The following CA10 variants were observed in gnomAD, a reference collection of about 807,000 sequenced individuals.
CA10 encodes carbonic anhydrase 10 (inactive), also known as carbonic anhydrase-related protein 10.
Under a neutral mutation model 44.2 loss-of-function variants are expected in CA10, and 14 were observed. The ratio of observed to expected loss-of-function variants is 0.32; its 90% CI spans 0.21 to 0.50. The LOEUF (loss-of-function observed/expected upper bound fraction) is 0.50, where lower values mean the gene tolerates loss of function less well. Among genes scored for constraint, CA10 ranks in the 20% least tolerant of loss-of-function variants. CA10 has a pLI of 0.99. For synonymous variants in CA10, 159 were observed against 141.6 expected, an observed-to-expected ratio of 1.12 and a Z score of -0.87; for missense variants, 350 against 409.7, an observed-to-expected ratio of 0.85 and a Z score of 1.26.
intron 1 of CA10, among the ~76,000 whole-genome samples, chr17:52,103,910 T>C (rs188626950): frequency 2.0e-5 from 3 of 152,172 alleles, no homozygotes; most frequent in Non-Finnish European, 4.4e-5. Context: ...CAGACTGATA[T>C]AGTGAAGCAA....
chr17:51,878,138 C>G (rs143651056), intron 3 of CA10, among the ~76,000 whole-genome samples: 25 of 102,576 alleles, frequency 2.4e-4, no homozygotes, highest in Non-Finnish European at 4.4e-4. Context: ...AGCATGACTC[C>G]GTCTCAAAAA....
Position 51,649,172 on chromosome 17 carries a change from C to A in CA10, c.634+10G>T, listed in dbSNP as rs183234547. The stretch of plus-strand genomic sequence containing the variant: ...AATAGTTGCTGTGGAGGAAATTGAA[C>A]CAAACTTACTTTTATATGTTATTCT... On this transcript the variant is annotated intron_variant, in intron 6 of 8. Coordinates refer to ENST00000451037, the MANE Select transcript of CA10 (RefSeq NM_020178.5). 3.2e-5 allele frequency: 51 copies of A among 1,605,908 alleles called. No individual in the cohort carries two copies. Among genetic ancestry groups the A allele is most frequent in the African/African-American group, 5.4e-5 (4 of 74,712 alleles).
intron 3 of CA10, among the ~76,000 whole-genome samples, chr17:51,802,615 G>C (rs1263904): frequency 1.4e-5 from 2 of 144,736 alleles, no homozygotes; most frequent in Non-Finnish European, 3.0e-5. Flanking sequence ...CTACATTTGA[G>C]AAAAAGGACA....
intron 3 of CA10, among the ~76,000 whole-genome samples, chr17:51,815,138 A>G (rs984115058): frequency 2.0e-5 from 3 of 151,996 alleles, no homozygotes; most frequent in Admixed American, 6.6e-5. Flanking sequence ...GTTTGAAAGT[A>G]TCTGGGGACA....
intron 3 of CA10, among the ~76,000 whole-genome samples, chr17:51,793,285 T>C (rs55832631): frequency 0.2 from 30,665 of 152,072 alleles, 3,692 homozygotes; most frequent in Middle Eastern, 0.35. Flanking sequence ...TGAATGGCCA[T>C]TGGGGGAAAA....
chr17:51,797,517 A>G (rs1906758890), intron 3 of CA10, among the ~76,000 whole-genome samples: 1 of 152,030 alleles, frequency 6.6e-6, no homozygotes, highest in Non-Finnish European at 1.5e-5. Flanking sequence ...CCCCTGGCAT[A>G]CTGAATCAGA....
chr17:52,038,507 A>T (rs1323444417), intron 2 of CA10, among the ~76,000 whole-genome samples: 1 of 152,316 alleles, frequency 6.6e-6, no homozygotes, highest in East Asian at 1.9e-4. Context: ...AAACTGAATT[A>T]AACACTAAAG....
At chr17:52,057,711 G>C (rs530228828) in intron 2 of CA10, among the ~76,000 whole-genome samples, 4 of 152,144 alleles carry the variant, frequency 2.6e-5, no homozygotes, top group African/African-American at 9.6e-5. Context: ...AAGGTTTTTC[G>C]AAGTGGAGTA....
chr17:52,073,656 A>G (rs1026079642), intron 1 of CA10, among the ~76,000 whole-genome samples: 3 of 152,194 alleles, frequency 2.0e-5, no homozygotes, highest in Non-Finnish European at 4.4e-5. Context: ...ATGGACACAC[A>G]AAAGTATCCT....
intron 2 of CA10, among the ~76,000 whole-genome samples, chr17:51,943,481 T>C (rs1213261695): frequency 1.3e-5 from 2 of 152,084 alleles, no homozygotes; most frequent in Non-Finnish European, 2.9e-5. Context: ...AGCAGGAAAA[T>C]AGATTTAGTG....
At chr17:51,969,691 CCT>C (rs1176458264) in intron 2 of CA10, among the ~76,000 whole-genome samples, 2 of 151,754 alleles carry the variant, frequency 1.3e-5, no homozygotes, top group Non-Finnish European at 2.9e-5. Context: ...TTGAGTACCC[CCT>C]GTGTGCGAGG....
At chr17:51,935,921 T>C (rs1050777679) in intron 2 of CA10, among the ~76,000 whole-genome samples, 1 of 152,170 alleles carries the variant, frequency 6.6e-6, no homozygotes, top group Non-Finnish European at 1.5e-5. Context: ...AAAACTGGCC[T>C]TGACTTCTTT....
chr17:51,692,656 T>C (rs533298161), intron 4 of CA10, among the ~76,000 whole-genome samples: 33 of 152,356 alleles, frequency 2.2e-4, no homozygotes, highest in African/African-American at 7.7e-4. Flanking sequence ...AGTATTTCAT[T>C]GTGTAGATGC....
At chr17:51,719,264 G>C (rs1032809059) in intron 4 of CA10, among the ~76,000 whole-genome samples, 5 of 152,224 alleles carry the variant, frequency 3.3e-5, no homozygotes, top group Admixed American at 2.6e-4. Context: ...TAAACTCCCA[G>C]ATGGCTCCTC....
chr17:52,042,699 CT>C (rs1016052811), intron 2 of CA10, among the ~76,000 whole-genome samples: 31 of 152,046 alleles, frequency 2.0e-4, no homozygotes, highest in African/African-American at 6.5e-4. Context: ...AGCTTTCCCC[CT>C]ATGTTTACTT....
At chr17:52,016,440 A>AT (rs1378406681) in intron 2 of CA10, among the ~76,000 whole-genome samples, 2 of 152,088 alleles carry the variant, frequency 1.3e-5, no homozygotes, top group Non-Finnish European at 2.9e-5. Flanking sequence ...CAAAAAGCTA[A>AT]TTTGATTTGC....
At chr17:51,695,616 A>G (rs1401347000) in intron 4 of CA10, among the ~76,000 whole-genome samples, 1 of 152,164 alleles carries the variant, frequency 6.6e-6, no homozygotes. Flanking sequence ...GCAAAGAGAG[A>G]TAGTTTGACT....
At chr17:51,944,809 T>A (rs980647819) in intron 2 of CA10, among the ~76,000 whole-genome samples, 4 of 152,186 alleles carry the variant, frequency 2.6e-5, no homozygotes, top group Non-Finnish European at 4.4e-5. Context: ...GTTAAAACAT[T>A]TGAAAAATAA....
chr17:51,743,602 T>C (rs148062717), intron 4 of CA10, among the ~76,000 whole-genome samples: 6 of 152,330 alleles, frequency 3.9e-5, no homozygotes, highest in Admixed American at 2.6e-4. Flanking sequence ...TCAATTACAA[T>C]AACCTCACTA....
Sources: allele counts gnomAD v4.1 joint callset (sites outside exome capture counted in the v4.1 genomes callset), GRCh38; gene constraint gnomAD v4.1.1; transcripts MANE v1.5; gene names NCBI Gene and HGNC (gene_info 2026-07-23, HGNC 2026-07-21).